The following OR51B5 variants were observed in gnomAD, a reference collection of about 807,000 sequenced individuals.
The protein encoded by OR51B5 is olfactory receptor family 51 subfamily B member 5.
For missense variants in OR51B5, 456 were observed against 374.6 expected, an observed-to-expected ratio of 1.22 and a Z score of -1.79; for synonymous variants, 186 against 144.8, an observed-to-expected ratio of 1.28 and a Z score of -2.04.
At chr11:5,491,054 C>T (rs1851574020) in intron 1 of OR51B5, among the ~76,000 whole-genome samples, 2 of 152,202 alleles carry the variant, frequency 1.3e-5, no homozygotes, top group East Asian at 1.9e-4. Flanking sequence ...TTAATAAGCA[C>T]TCAAAATATT....
chr11:5,476,602 C>G (rs202117333), intron 1 of OR51B5, among the ~76,000 whole-genome samples: 9 of 151,546 alleles, frequency 5.9e-5, no homozygotes, highest in African/African-American at 2.2e-4. Context: ...TTACACTGAA[C>G]AAGCCGATAA....
At chr11:5,407,178 T>G (rs937464880) in intron 1 of OR51B5, among the ~76,000 whole-genome samples, 1 of 152,152 alleles carries the variant, frequency 6.6e-6, no homozygotes, top group Non-Finnish European at 1.5e-5. Context: ...GGGTACAGGA[T>G]ATATTCATTT....
intron 1 of OR51B5, among the ~76,000 whole-genome samples, chr11:5,378,273 A>G (rs1256938781): frequency 1.3e-5 from 2 of 152,132 alleles, no homozygotes; most frequent in Non-Finnish European, 2.9e-5. Flanking sequence ...GAATGCTGAA[A>G]CTGGATCCCT....
intron 1 of OR51B5, among the ~76,000 whole-genome samples, chr11:5,375,357 C>T (rs1007056825): frequency 6.6e-5 from 10 of 151,074 alleles, no homozygotes; most frequent in East Asian, 3.9e-4. Context: ...AAGGCACAAC[C>T]GGTACCAGCC....
chr11:5,467,725 G>A (rs1262999235), intron 1 of OR51B5, among the ~76,000 whole-genome samples: 2 of 152,154 alleles, frequency 1.3e-5, no homozygotes, highest in Non-Finnish European at 2.9e-5. Context: ...TGTTGTCTGG[G>A]TTGCTCACTG....
At chr11:5,395,855 A>G (rs1849862286) in intron 1 of OR51B5, among the ~76,000 whole-genome samples, 1 of 152,164 alleles carries the variant, frequency 6.6e-6, no homozygotes, top group South Asian at 2.1e-4. Context: ...TTATTTTTCA[A>G]TCTTTTCTTA....
At chr11:5,343,055 G>A (rs1848924981) in exon 1 of OR51B5, 2 of 1,613,210 alleles carry the variant, frequency 1.2e-6, no homozygotes, top group Admixed American at 1.7e-5. Context: ...GGGCCTGATT[G>A]GGGGAACAAC....
chr11:5,388,685 T>C (rs1849741277), intron 1 of OR51B5, among the ~76,000 whole-genome samples: 1 of 151,652 alleles, frequency 6.6e-6, no homozygotes, highest in Non-Finnish European at 1.5e-5. Flanking sequence ...TTAAACCTTT[T>C]TTACTTCATT....
chr11:5,350,570 C>T (rs912727791), intron 1 of OR51B5, among the ~76,000 whole-genome samples: 2 of 152,082 alleles, frequency 1.3e-5, no homozygotes, highest in Non-Finnish European at 2.9e-5. Flanking sequence ...TTTGTCAAAT[C>T]CCATCAGATT....
At chr11:5,491,828 A>G (rs561261288) in intron 1 of OR51B5, among the ~76,000 whole-genome samples, 1 of 152,324 alleles carries the variant, frequency 6.6e-6, no homozygotes, top group East Asian at 1.9e-4. Flanking sequence ...CTATGCACTA[A>G]AAAGAAATTC....
intron 1 of OR51B5, among the ~76,000 whole-genome samples, chr11:5,481,660 G>C (rs1851422445): frequency 1.4e-5 from 2 of 139,220 alleles, no homozygotes; most frequent in South Asian, 2.5e-4. Context: ...CTTCAGCAAA[G>C]TCTCAGGATA....
rs61894105 is a variant in OR51B5 at position 5,418,893 on chromosome 11, A to G, written n.85-71983T>C. On this transcript the variant is annotated intron_variant and non_coding_transcript_variant, in intron 1 of 4. Coordinates refer to the OR51B5 transcript ENST00000415970. ...GAAGTATTATAAAAAAAAAAAAAGC[A>G]TCATCTGGTCTCACTAGAAGTTCCT... Among the ~76,000 whole-genome samples, 5,902 of 151,698 alleles carry G rather than the reference A, an allele frequency of 0.039. 526 individuals are homozygous for G. The East Asian group carries it at 0.4, about 10-fold the overall frequency.
At chr11:5,451,702 T>G (rs1850852127) in intron 1 of OR51B5, among the ~76,000 whole-genome samples, 1 of 152,176 alleles carries the variant, frequency 6.6e-6, no homozygotes, top group South Asian at 2.1e-4. Flanking sequence ...GGGTCCCCTT[T>G]CTCCTTCATT....
At chr11:5,362,820 C>A in intron 1 of OR51B5, 1 of 221,250 alleles carries the variant, frequency 4.5e-6, no homozygotes. Flanking sequence ...AGTCCTCTTC[C>A]TGATGCTCTG....
chr11:5,500,270 C>G (rs777068325), intron 1 of OR51B5, among the ~76,000 whole-genome samples: 16 of 152,196 alleles, frequency 1.1e-4, no homozygotes, highest in Non-Finnish European at 2.4e-4. Flanking sequence ...TCACTAATAT[C>G]TATCTCAGAC....
intron 1 of OR51B5, among the ~76,000 whole-genome samples, chr11:5,437,884 C>G (rs1382763436): frequency 6.6e-6 from 1 of 152,138 alleles, no homozygotes; most frequent in Non-Finnish European, 1.5e-5. Context: ...CAGGAAGGCT[C>G]TCTCCCTTTT....
chr11:5,380,986 C>T (rs1849599659), intron 1 of OR51B5, among the ~76,000 whole-genome samples: 1 of 152,076 alleles, frequency 6.6e-6, no homozygotes, highest in African/African-American at 2.4e-5. Flanking sequence ...CTTGGGGATT[C>T]AGTTCTCCTG....
At chr11:5,355,953 C>T (rs1208167885) in intron 1 of OR51B5, among the ~76,000 whole-genome samples, 2 of 152,070 alleles carry the variant, frequency 1.3e-5, no homozygotes, top group Non-Finnish European at 2.9e-5. Flanking sequence ...ACAGAAAGGA[C>T]ATCCACACCA....
chr11:5,465,230 A>AAAAAAAT (rs1851121704), intron 1 of OR51B5, among the ~76,000 whole-genome samples: 1 of 148,390 alleles, frequency 6.7e-6, no homozygotes, highest in Admixed American at 6.7e-5. Flanking sequence ...AAAAAAAAAA[A>AAAAAAAT]GTGTTCCTAT....
Sources: allele counts gnomAD v4.1 joint callset (sites outside exome capture counted in the v4.1 genomes callset), GRCh38; gene constraint gnomAD v4.1.1; transcripts MANE v1.5; gene names NCBI Gene and HGNC (gene_info 2026-07-23, HGNC 2026-07-21).